The following NEK10 variants were observed in gnomAD, a reference collection of about 807,000 sequenced individuals.
NEK10 encodes serine/threonine-protein kinase Nek10.
Under a neutral mutation model 159.8 loss-of-function variants are expected in NEK10, and 122 were observed. The ratio of observed to expected loss-of-function variants is 0.76; its 90% CI spans 0.66 to 0.89. NEK10 has a LOEUF of 0.89. Ranked by LOEUF, NEK10 falls within the 40% of genes least tolerant of loss-of-function variation. NEK10 has a pLI of 0.00. For synonymous variants in NEK10, 466 were observed against 457.1 expected (o/e 1.02, Z -0.25); for missense variants, 1,342 against 1,323.1 (o/e 1.01, Z -0.22).
Position 27,301,720 on chromosome 3 carries a change from C to G in NEK10, c.1144G>C (p.Glu382Gln), listed in dbSNP as rs867452450. Residue 382 changes from glutamate to glutamine, a missense_variant, in exon 13 of 36, where the codon GAA becomes CAA. Coordinates refer to ENST00000691995, the MANE Select transcript of NEK10 (RefSeq NM_001394966.1). ...CCTGCTTGAAGTGAGAAAGTATTTTCTTGTATTTCCCTAGGGCTCAAGTCT... is the reference window on the plus strand; with the variant it reads ...CCTGCTTGAAGTGAGAAAGTATTTTGTTGTATTTCCCTAGGGCTCAAGTCT... Reference protein sequence around the residue: ...SEDLSPREIQENTFSLQAACC... With the variant: ...SEDLSPREIQQNTFSLQAACC... 1.3e-6 allele frequency: 2 copies of G among 1,574,540 alleles called. No homozygotes were observed. Among genetic ancestry groups the G allele is most frequent in the South Asian group, 2.3e-5 (2 of 86,228 alleles).
intron 1 of NEK10, among the ~76,000 whole-genome samples, chr3:27,367,198 A>G (rs59538636): frequency 0.059 from 9,018 of 152,244 alleles, 523 homozygotes; most frequent in African/African-American, 0.16. Flanking sequence ...CTTTAAAAGA[A>G]TCCTATGAGC....
intron 1 of NEK10, among the ~76,000 whole-genome samples, chr3:27,365,498 G>A (rs1183441562): frequency 6.6e-6 from 1 of 151,870 alleles, no homozygotes; most frequent in Non-Finnish European, 1.5e-5. Flanking sequence ...CTGAGATGAG[G>A]GGAGTTTGAC....
intron 22 of NEK10, among the ~76,000 whole-genome samples, chr3:27,273,003 A>T (rs1009576935): frequency 1.3e-5 from 2 of 152,052 alleles, no homozygotes; most frequent in African/African-American, 4.8e-5. Context: ...GCTGATTGGG[A>T]AAAGCCTCTG....
chr3:27,357,093 C>T lies in NEK10; in HGVS notation c.-37-4174G>A, dbSNP rs765628190. Among the ~76,000 whole-genome samples, 6 of 152,296 alleles carry T rather than the reference C, an allele frequency of 3.9e-5. No homozygotes were observed. The South Asian group carries it at 8.3e-4, about 21-fold the overall frequency. ...CTCCTTCTCGATGCCCACAGAGCAG[C>T]CTATACTCCCCACATATTGTTATTA... On this transcript the variant is annotated intron_variant, in intron 1 of 35. Transcript: ENST00000691995.
At chr3:27,146,666 C>T (rs938218175) in intron 30 of NEK10, among the ~76,000 whole-genome samples, 1 of 152,180 alleles carries the variant, frequency 6.6e-6, no homozygotes, top group African/African-American at 2.4e-5. Context: ...GATGAAGAAT[C>T]TTGAACTCAT....
At chr3:27,296,405 T>C (rs977453947) in intron 14 of NEK10, among the ~76,000 whole-genome samples, 3 of 152,180 alleles carry the variant, frequency 2.0e-5, no homozygotes, top group Non-Finnish European at 2.9e-5. Flanking sequence ...ATTCCAGGAA[T>C]TGAACCTCAA....
Position 27,348,285 on chromosome 3 carries a change from C to A in NEK10, c.133-2069G>T, listed in dbSNP as rs143316002. On this transcript the variant is annotated intron_variant, in intron 3 of 35. Coordinates refer to ENST00000691995, the MANE Select transcript of NEK10 (RefSeq NM_001394966.1). ...TTTGCAAGAGAGAAATTAGCCAGCA[C>A]AGAGAAAGCAAGCCCAGGTGATTCC... 3.3e-5 allele frequency among the ~76,000 whole-genome samples: 5 copies of A among 152,260 alleles called. No homozygotes were observed. In the East Asian group the frequency reaches 9.7e-4, roughly 29 times the overall value.
At chr3:27,157,385 C>G (rs1403800011) in intron 30 of NEK10, among the ~76,000 whole-genome samples, 1 of 152,028 alleles carries the variant, frequency 6.6e-6, no homozygotes, top group Admixed American at 6.6e-5. Context: ...AAGTTGGTTC[C>G]AACTCTCATG....
intron 32 of NEK10, among the ~76,000 whole-genome samples, chr3:27,131,451 G>T (rs1942614378): frequency 6.6e-6 from 1 of 152,116 alleles, no homozygotes; most frequent in South Asian, 2.1e-4. Context: ...ATCTAAGATG[G>T]AAAGAACCTT....
intron 23 of NEK10, among the ~76,000 whole-genome samples, chr3:27,220,623 A>C (rs576425135): frequency 6.6e-6 from 1 of 152,098 alleles, no homozygotes; most frequent in South Asian, 2.1e-4. Context: ...AAATTGATCT[A>C]CAGATTCAAC....
intron 26 of NEK10, among the ~76,000 whole-genome samples, chr3:27,182,981 G>A (rs962180398): frequency 1.3e-5 from 2 of 151,940 alleles, no homozygotes; most frequent in East Asian, 3.8e-4. Context: ...AATACAGTAA[G>A]ATAAAAGGAA....
chr3:27,145,264 T>C (rs1944191405), intron 30 of NEK10, among the ~76,000 whole-genome samples: 1 of 152,190 alleles, frequency 6.6e-6, no homozygotes, highest in East Asian at 1.9e-4. Context: ...TCATACATAA[T>C]ATGCCCATGA....
At chr3:27,252,757 C>G in intron 23 of NEK10, 2 of 375,040 alleles carry the variant, frequency 5.3e-6, no homozygotes, top group South Asian at 4.1e-5. Flanking sequence ...AAGGGAGCTG[C>G]ATGTGCAAAG....
At chr3:27,253,903 A>C (rs1433461379) in intron 23 of NEK10, among the ~76,000 whole-genome samples, 3 of 152,192 alleles carry the variant, frequency 2.0e-5, no homozygotes, top group Non-Finnish European at 4.4e-5. Flanking sequence ...AGTCTATGGC[A>C]TCATACCTCA....
chr3:27,273,650 G>C (rs1019125993), intron 22 of NEK10, among the ~76,000 whole-genome samples: 32 of 152,188 alleles, frequency 2.1e-4, no homozygotes, highest in African/African-American at 7.5e-4. Flanking sequence ...AATAATTAAT[G>C]ACCTGACAAT....
At chr3:27,362,270 G>A (rs1381050814) in intron 1 of NEK10, among the ~76,000 whole-genome samples, 6 of 152,164 alleles carry the variant, frequency 3.9e-5, no homozygotes, top group Non-Finnish European at 8.8e-5. Context: ...GGAGCTAAAG[G>A]ATCTGGAAGA....
chr3:27,313,774 G>A, intron 7 of NEK10, among the ~76,000 whole-genome samples: 1 of 152,138 alleles, frequency 6.6e-6, no homozygotes. Context: ...GTGCAGTGGT[G>A]CAACTTCAGC....
At chr3:27,251,603 T>G (rs969817201) in intron 23 of NEK10, among the ~76,000 whole-genome samples, 7 of 152,212 alleles carry the variant, frequency 4.6e-5, no homozygotes, top group African/African-American at 1.7e-4. Context: ...ACCAGCGTCA[T>G]GCTTCCTGTG....
intron 26 of NEK10, among the ~76,000 whole-genome samples, chr3:27,185,810 G>A (rs1948561989): frequency 6.6e-6 from 1 of 152,128 alleles, no homozygotes; most frequent in African/African-American, 2.4e-5. Context: ...GTGCAGAGGT[G>A]ATATACTGAC....
Sources: gnomAD v4.1 joint callset for allele counts (sites outside exome capture counted in the v4.1 genomes callset) on GRCh38, gnomAD v4.1.1 for gene constraint, MANE v1.5 for transcripts, NCBI Gene and HGNC (gene_info 2026-07-23, HGNC 2026-07-21) for gene names.